ANKRD11: variants seen among roughly 807,000 people sequenced by gnomAD.
ANKRD11 encodes ankyrin repeat domain-containing protein 11.
Under a neutral mutation model 195.7 loss-of-function variants are expected in ANKRD11, and 17 were observed. The ratio of observed to expected loss-of-function variants is 0.09; its 90% CI spans 0.06 to 0.13. The LOEUF (loss-of-function observed/expected upper bound fraction) is 0.13, where lower values mean the gene tolerates loss of function less well. Ranked by LOEUF, ANKRD11 falls within the 10% of genes least tolerant of loss-of-function variation. The pLI, the probability that ANKRD11 is intolerant of heterozygous loss-of-function variation, is 1.00. For synonymous variants in ANKRD11, 1,953 were observed against 1,528.1 expected (o/e 1.28, Z -6.49); for missense variants, 3,735 against 3,566.1 (o/e 1.05, Z -1.21).
intron 2 of ANKRD11, among the ~76,000 whole-genome samples, chr16:89,387,225 A>G (rs1597238364): frequency 6.6e-6 from 1 of 151,250 alleles, no homozygotes; most frequent in East Asian, 2.0e-4. Flanking sequence ...CTGGAGTGCC[A>G]AGTTAAAAAA....
intron 1 of ANKRD11, among the ~76,000 whole-genome samples, chr16:89,466,829 C>CA (rs1289872917): frequency 2.0e-5 from 3 of 152,198 alleles, no homozygotes; most frequent in Non-Finnish European, 4.4e-5. Flanking sequence ...GGCCCTCCCG[C>CA]AACTCGGGCA....
intron 1 of ANKRD11, among the ~76,000 whole-genome samples, chr16:89,444,085 A>AG (rs2043665418): frequency 6.6e-6 from 1 of 152,320 alleles, no homozygotes; most frequent in African/African-American, 2.4e-5. Flanking sequence ...ATCTGAAATA[A>AG]ATAACAACTC....
In ANKRD11 at chr16:89,317,042, T is replaced by C. The variant is rs368065728; in HGVS notation, c.-23A>G. On this transcript the variant is annotated 5_prime_UTR_variant, in exon 3 of 13. It removes the in-frame stop codon of an upstream open reading frame in the 5' UTR. Transcript: ENST00000301030. ...CATCGTCCTGCTCCTCACCCGATCT[T>C]CATTTACACGGCCGGCGCTTCATCA... is the stretch of plus-strand genomic sequence containing the variant. 1.5e-5 allele frequency: 24 copies of C among 1,609,440 alleles called. No homozygotes were observed. The highest frequency in any genetic ancestry group is 2.0e-5 in the Non-Finnish European group (23 of 1,177,980).
chr16:89,488,058 G>A (rs146819466), intron 1 of ANKRD11, among the ~76,000 whole-genome samples: 241 of 152,192 alleles, frequency 1.6e-3, no homozygotes, highest in African/African-American at 5.6e-3. Context: ...CTGCAAAAGA[G>A]GAACTCAGGT....
At chr16:89,401,167 C>A (rs953537556) in intron 2 of ANKRD11, among the ~76,000 whole-genome samples, 3 of 142,914 alleles carry the variant, frequency 2.1e-5, no homozygotes, top group African/African-American at 7.7e-5. Context: ...GATCTCGACT[C>A]ATTGCAACCT....
At chr16:89,379,990 C>T (rs1030917973) in intron 2 of ANKRD11, among the ~76,000 whole-genome samples, 1 of 152,218 alleles carries the variant, frequency 6.6e-6, no homozygotes, top group Admixed American at 6.5e-5. Context: ...TTTTCTGCAT[C>T]TCCAAACCCC....
At chr16:89,274,006 G>A (rs1459223394) in intron 11 of ANKRD11, among the ~76,000 whole-genome samples, 1 of 152,230 alleles carries the variant, frequency 6.6e-6, no homozygotes, top group African/African-American at 2.4e-5. Flanking sequence ...CACAACCTGA[G>A]CGCAGTGGGC....
Position 89,284,505 on chromosome 16 carries a change from G to A in ANKRD11, c.2037C>T (p.Ser679=), listed in dbSNP as rs377531737. The A allele has an allele frequency of 3.1e-6, 5 of 1,613,852 alleles. No homozygotes were observed. Among genetic ancestry groups the A allele is most frequent in the African/African-American group, 1.3e-5 (1 of 74,856 alleles). ...TTAACACTTTTAGCTTGTTTTCAGT[G>A]GAAAGATCATTCTCTAACAGTATAG... ...DKAILLENDL[S]TENKLKVLKH... The change falls in exon 9 of 13, where the codon TCC becomes TCT. Residue 679 remains serine, a synonymous_variant. Transcript: ENST00000301030.
chr16:89,386,505 G>C (rs909942517), intron 2 of ANKRD11, among the ~76,000 whole-genome samples: 11 of 152,210 alleles, frequency 7.2e-5, no homozygotes, highest in African/African-American at 2.2e-4. Context: ...CACAGCATGA[G>C]GGTGTGGGGG....
intron 9 of ANKRD11, among the ~76,000 whole-genome samples, chr16:89,276,674 G>A (rs1290270290): frequency 6.6e-6 from 1 of 152,212 alleles, no homozygotes; most frequent in Non-Finnish European, 1.5e-5. Context: ...GGCTCCTAAG[G>A]CACATTCAGG....
At chr16:89,441,610 A>G (rs1335895865) in intron 1 of ANKRD11, among the ~76,000 whole-genome samples, 3 of 151,880 alleles carry the variant, frequency 2.0e-5, no homozygotes, top group African/African-American at 2.4e-5. Flanking sequence ...TACTAAAAAT[A>G]CAAAAAATTA....
At chr16:89,355,582 T>C in intron 2 of ANKRD11, among the ~76,000 whole-genome samples, 1 of 151,982 alleles carries the variant, frequency 6.6e-6, no homozygotes, top group East Asian at 1.9e-4. Flanking sequence ...ACATCGAGTA[T>C]CACAACCAAC....
chr16:89,461,796 C>G (rs541465634), intron 1 of ANKRD11, among the ~76,000 whole-genome samples: 2 of 152,110 alleles, frequency 1.3e-5, no homozygotes, highest in Non-Finnish European at 2.9e-5. Flanking sequence ...TATGGTCATT[C>G]CCATTAAAAC....
Position 89,271,178 on chromosome 16 carries a change from C to G in ANKRD11, c.7714-269G>C. 3 of 510,354 alleles carry G rather than the reference C, an allele frequency of 5.9e-6. 1 individual carries two copies. The highest frequency in any genetic ancestry group is 1.1e-5 in the Non-Finnish European group (3 of 279,006). 31.6% of individuals were successfully genotyped at this position (510,354 alleles called of 1,614,324 possible). A position where few individuals can be genotyped will look rare whatever the true frequency, so the allele number is the denominator to read the frequency against. ...CCGCAGGCCCCACCTGTGAGCCGGT[C>G]CCCAGCCCTGCCCCCAGGGGACAGT... On this transcript the variant is annotated intron_variant, in intron 11 of 12. Transcript: ENST00000301030.
chr16:89,373,790 G>T (rs904182025), intron 2 of ANKRD11, among the ~76,000 whole-genome samples: 1 of 152,170 alleles, frequency 6.6e-6, no homozygotes, highest in African/African-American at 2.4e-5. Flanking sequence ...CAGCACCCAG[G>T]GACACCTGAC....
intron 2 of ANKRD11, among the ~76,000 whole-genome samples, chr16:89,402,436 T>A (rs893742885): frequency 2.0e-5 from 3 of 151,846 alleles, no homozygotes; most frequent in African/African-American, 7.3e-5. Flanking sequence ...ACCTAACACA[T>A]GAGGAAGCCG....
intron 2 of ANKRD11, among the ~76,000 whole-genome samples, chr16:89,335,487 G>A (rs2038305110): frequency 1.3e-5 from 2 of 152,194 alleles, no homozygotes; most frequent in African/African-American, 2.4e-5. Flanking sequence ...AGTGGGTTAG[G>A]GCAGGTGCTC....
Position 89,291,086 on chromosome 16 carries a change from G to A in ANKRD11, c.324C>T (p.Gly108=). The A allele has an allele frequency of 6.2e-7, 1 of 1,613,680 alleles. No homozygotes were observed. Among genetic ancestry groups the A allele is most frequent in the South Asian group, 1.1e-5 (1 of 91,084 alleles). The change falls in exon 5 of 13, where the codon GGC becomes GGT. Residue 108 remains glycine, a synonymous_variant. Transcript: ENST00000301030. This position sits in a 1 kb window ranked among gnomAD's most constrained non-coding sequence, Gnocchi z 5.3. ...CCTGCTGGCGCTCGGAGAGGGGGTA[G>A]CCGGCTCGGATTCCAGACAGCCCCA... ...FGMGLSGIRA[G]YPLSERQQVA...
chr16:89,413,573 C>T (rs975700493), intron 2 of ANKRD11, among the ~76,000 whole-genome samples: 4 of 152,034 alleles, frequency 2.6e-5, no homozygotes, highest in East Asian at 1.9e-4. Context: ...TGCAGTGAGC[C>T]GAGGTCGCAC....
Sources: allele counts gnomAD v4.1 joint callset (sites outside exome capture counted in the v4.1 genomes callset), GRCh38; gene constraint gnomAD v4.1.1; non-coding constraint Gnocchi (gnomAD v3.1); transcripts MANE v1.5; gene names NCBI Gene and HGNC (gene_info 2026-07-23, HGNC 2026-07-21).